The following PLEKHO2 variants were observed in gnomAD, a reference collection of about 807,000 sequenced individuals.
The protein encoded by PLEKHO2 is pleckstrin homology domain-containing family O member 2.
PLEKHO2 carries 20 observed loss-of-function variants against 32.7 expected under a neutral mutation model. That is an observed-to-expected ratio of 0.61 (90% confidence interval 0.43 to 0.89). PLEKHO2 has a LOEUF of 0.89. PLEKHO2 is among the 40% of genes least tolerant of loss of function. The probability of loss-of-function intolerance (pLI) is 0.00; values close to 1 mark genes in which losing one functional copy is unlikely to be tolerated. For synonymous variants in PLEKHO2, 247 were observed against 246.3 expected (o/e 1.00, Z -0.03); for missense variants, 568 against 621.2 (o/e 0.91, Z 0.91).
intron 2 of PLEKHO2, 57 bp downstream of exon 2, chr15:64,848,799 C>T: frequency 6.2e-7 from 1 of 1,605,288 alleles, no homozygotes; most frequent in South Asian, 1.1e-5. Context: ...AAAGTGAGGG[C>T]ATTCAAGTTA....
At chr15:64,862,284 A>C (rs777151169) in intron 5 of PLEKHO2, among the ~76,000 whole-genome samples, 55 of 151,998 alleles carry the variant, frequency 3.6e-4, no homozygotes, top group Admixed American at 9.8e-4. Context: ...GGCAGGGGCC[A>C]GGAAGGAGGT....
intron 3 of PLEKHO2, among the ~76,000 whole-genome samples, chr15:64,856,940 G>A (rs1275138927): frequency 2.1e-5 from 3 of 144,194 alleles, no homozygotes; most frequent in Admixed American, 7.1e-5. Context: ...TCCTGAGGCC[G>A]CCTTTTTTCC....
At chr15:64,855,106 T>G (rs575622990) in intron 3 of PLEKHO2, 69 bp downstream of exon 3, 1 of 1,278,662 alleles carries the variant, frequency 7.8e-7, no homozygotes, top group Admixed American at 2.0e-5. Flanking sequence ...CTAAGCAGGT[T>G]TAAGGCAGGC....
Position 64,866,150 on chromosome 15 carries a change from G to A in PLEKHO2, c.*262G>A, listed in dbSNP as rs930457233. On this transcript the variant is annotated 3_prime_UTR_variant, in exon 6 of 6. Transcript: ENST00000323544. Reference sequence around the variant, plus strand: ...TGGGGCTGGGGCTGGGAGCACACACGCTGGGACCTATGTGTTTGTGTGGTC... The same window carrying A: ...TGGGGCTGGGGCTGGGAGCACACACACTGGGACCTATGTGTTTGTGTGGTC... The A allele has an allele frequency of 3.5e-5, 20 of 566,270 alleles. No homozygotes were observed. The highest frequency in any genetic ancestry group is 2.5e-4 in the African/African-American group (13 of 52,406). The allele number at this position is 566,270 out of a possible 1,614,324, so 35.1% of individuals were successfully genotyped here.
chr15:64,846,189 T>C lies in PLEKHO2; in HGVS notation c.13-2404T>C, dbSNP rs78177391. 3.3e-3 allele frequency among the ~76,000 whole-genome samples: 501 copies of C among 152,244 alleles called. 2 individuals carry two copies. Among genetic ancestry groups the C allele is most frequent in the African/African-American group, 0.012 (482 of 41,564 alleles). The stretch of plus-strand genomic sequence containing the variant: ...CAGTGGTGATGTGGGGAATGGGAGT[T>C]GAGTGCATGATGGAATGGGAGAGCC... On this transcript the variant is annotated intron_variant, in intron 1 of 5. Transcript: ENST00000323544.
chr15:64,848,353 G>A (rs1320920700), intron 1 of PLEKHO2, among the ~76,000 whole-genome samples: 1 of 152,226 alleles, frequency 6.6e-6, no homozygotes, highest in African/African-American at 2.4e-5. Context: ...AGAGTGAAAT[G>A]ACACTATGTG....
In PLEKHO2 at chr15:64,865,646, C is replaced by T. The variant is rs772593888; in HGVS notation, c.1231C>T (p.Arg411Trp). Residue 411 changes from arginine (R) to tryptophan (W), a missense_variant, in exon 6 of 6, where the codon CGG becomes TGG. Physicochemically the swap from Arg to Trp is moderately radical, Grantham distance 101. Coordinates refer to ENST00000323544, the MANE Select transcript of PLEKHO2 (RefSeq NM_025201.5). The part of the protein sequence containing the change: ...HPLQPRERLY[R>W]AQLEVKVASE... ...CTTGCAGCCCAGGGAACGGCTATAT[C>T]GGGCCCAGCTGGAGGTGAAGGTGGC... 2.3e-5 allele frequency: 37 copies of T among 1,614,082 alleles called. No individual in the cohort carries two copies. The highest frequency in any genetic ancestry group is 2.7e-5 in the African/African-American group (2 of 74,948).
In PLEKHO2 at chr15:64,865,321, C is replaced by A; in HGVS notation, c.906C>A (p.Ala302=). 6.2e-7 allele frequency: 1 copy of A among 1,613,846 alleles called. No individual in the cohort carries two copies. The highest frequency in any genetic ancestry group is 8.5e-7 in the Non-Finnish European group (1 of 1,179,832). Residue 302 remains alanine (A), a synonymous_variant, in exon 6 of 6, where the codon GCC becomes GCA. Coordinates refer to ENST00000323544, the MANE Select transcript of PLEKHO2 (RefSeq NM_025201.5). The part of the protein sequence containing the change: ...QAPCSETSEA[A]PREGGKPPTP... ...CCTGTTCTGAGACTTCTGAGGCTGC[C>A]CCCAGGGAGGGTGGGAAGCCCCCTA... is the stretch of plus-strand genomic sequence containing the variant.
In PLEKHO2 at chr15:64,859,916, C is replaced by T. The variant is rs534659227; in HGVS notation, c.302C>T (p.Ala101Val). ...GNKVSDIKFQ[A>V]PTGEEKESWI... is the part of the protein sequence containing the mutation. ...CAGGTCAGCGACATCAAATTCCAGG[C>T]ACCCACCGGGGAGGAGAAGGAATCC... The change falls in exon 4 of 6, where the codon GCA (alanine) becomes GTA (valine). Residue 101 changes from alanine (A) to valine (V), a missense_variant. Physicochemically the swap from Ala to Val is moderately conservative, Grantham distance 64. Transcript: ENST00000323544. 2 of 1,614,200 alleles carry T rather than the reference C, an allele frequency of 1.2e-6. No individual in the cohort carries two copies. The highest frequency in any genetic ancestry group is 1.3e-5 in the African/African-American group (1 of 75,058).
Position 64,865,454 on chromosome 15 carries a change from G to A in PLEKHO2, c.1039G>A (p.Asp347Asn). 6.2e-7 allele frequency: 1 copy of A among 1,614,064 alleles called. No homozygotes were observed. Among genetic ancestry groups the A allele is most frequent in the Non-Finnish European group, 8.5e-7 (1 of 1,180,010 alleles). Residue 347 changes from aspartate to asparagine, a missense_variant, in exon 6 of 6, where the codon GAT (aspartate) becomes AAT (asparagine). Asp to Asn is a conservative substitution (Grantham distance 23, BLOSUM62 1). Coordinates refer to ENST00000323544, the MANE Select transcript of PLEKHO2 (RefSeq NM_025201.5). ...GTVQVSVNGMDDSPEPAKPSQ... is the reference protein window; with the variant it reads ...GTVQVSVNGMNDSPEPAKPSQ... ...AGTGCAGGTCTCAGTGAATGGCATG[G>A]ATGACAGTCCTGAGCCTGCCAAGCC...
intron 5 of PLEKHO2, among the ~76,000 whole-genome samples, chr15:64,862,481 G>A (rs2084648441): frequency 6.6e-6 from 1 of 152,122 alleles, no homozygotes; most frequent in Non-Finnish European, 1.5e-5. Flanking sequence ...AATTTGGAGA[G>A]GGTATGGGCA....
At position 64,865,674 on chromosome 15, in the gene PLEKHO2, C is replaced by G. The variant is rs543499350; in HGVS notation, c.1259C>G (p.Ser420Trp). The change falls in exon 6 of 6, where the codon TCG (serine) becomes TGG (tryptophan). Residue 420 changes from serine (S) to tryptophan (W), a missense_variant. Ser to Trp is a radical substitution (Grantham distance 177). Coordinates refer to ENST00000323544, the MANE Select transcript of PLEKHO2 (RefSeq NM_025201.5). ...GCCCAGCTGGAGGTGAAGGTGGCCT[C>G]GGAACAGACGGAGAAACTGTTGAAC... ...YRAQLEVKVA[S>W]EQTEKLLNKV... 4 of 1,614,196 alleles carry G rather than the reference C, an allele frequency of 2.5e-6. No homozygotes were observed. In the South Asian group the frequency reaches 4.4e-5, roughly 18 times the overall value.
intron 3 of PLEKHO2, among the ~76,000 whole-genome samples, chr15:64,857,579 T>C (rs1481599533): frequency 1.3e-5 from 2 of 152,170 alleles, no homozygotes; most frequent in African/African-American, 4.8e-5. Context: ...ATTGTTTCTA[T>C]TGTGGTCATC....
At chr15:64,864,393 A>G (rs530384729) in intron 5 of PLEKHO2, among the ~76,000 whole-genome samples, 80 of 152,302 alleles carry the variant, frequency 5.3e-4, no homozygotes, top group Middle Eastern at 3.4e-3. Context: ...AAGGGCAAGC[A>G]GAAGTCAGTG....
rs1029585947 is a variant in PLEKHO2 at position 64,842,121 on chromosome 15, C to T, written c.12+93C>T. The T allele has an allele frequency of 2.7e-6, 3 of 1,106,836 alleles. No homozygotes were observed. In the African/African-American group the frequency reaches 4.8e-5, roughly 18 times the overall value. 68.6% of individuals were successfully genotyped at this position (1,106,836 alleles called of 1,614,324 possible). On this transcript the variant is annotated intron_variant, in intron 1 of 5. Coordinates refer to ENST00000323544, the MANE Select transcript of PLEKHO2 (RefSeq NM_025201.5). ...GGCTCAGGCCCTCGTTCCTGCCCGC[C>T]CCACTCCCGCCAGTCTCACCTCAGG...
chr15:64,856,799 C>CCAG (rs1401898692), intron 3 of PLEKHO2, among the ~76,000 whole-genome samples: 3 of 152,166 alleles, frequency 2.0e-5, no homozygotes, highest in Admixed American at 6.5e-5. Flanking sequence ...CTCCAGAGGT[C>CCAG]AGTTGGTGGA....
rs1178292770 is a variant in PLEKHO2, at chr15:64,841,962, G to T, written c.-55G>T. 6.4e-6 allele frequency: 8 copies of T among 1,244,688 alleles called. No homozygotes were observed. The highest frequency in any genetic ancestry group is 6.3e-5 in the East Asian group (2 of 31,830). The allele number at this position is 1,244,688 out of a possible 1,614,324, so 77.1% of individuals were successfully genotyped here. ...GGCCGGGCGTAGACGCGGTGGCAGA[G>T]CCCGCGCGGCGCTGGAAGCGAGTGG... On this transcript the variant is annotated 5_prime_UTR_variant, in exon 1 of 6. Transcript: ENST00000323544.
chr15:64,865,675 G>A lies in PLEKHO2; in HGVS notation c.1260G>A (p.Ser420=), dbSNP rs141176661. 12,897 of 1,614,204 alleles carry A rather than the reference G, an allele frequency of 8.0e-3. 106 individuals carry two copies. The highest frequency in any genetic ancestry group is 7.9e-3 in the Non-Finnish European group (9,327 of 1,180,026). ...YRAQLEVKVA[S]EQTEKLLNKV... is the part of the protein sequence containing the mutation. ...CCCAGCTGGAGGTGAAGGTGGCCTC[G>A]GAACAGACGGAGAAACTGTTGAACA... The change falls in exon 6 of 6, where the codon TCG becomes TCA. Residue 420 remains serine, a synonymous_variant. Transcript: ENST00000323544.
At chr15:64,842,347 G>T (rs1036818929) in intron 1 of PLEKHO2, among the ~76,000 whole-genome samples, 2 of 151,696 alleles carry the variant, frequency 1.3e-5, no homozygotes, top group Non-Finnish European at 2.9e-5. Flanking sequence ...GACTGGGCTC[G>T]AACCCCGATT....
Sources: allele counts gnomAD v4.1 joint callset (sites outside exome capture counted in the v4.1 genomes callset), GRCh38; gene constraint gnomAD v4.1.1; transcripts MANE v1.5; gene names NCBI Gene and HGNC (gene_info 2026-07-23, HGNC 2026-07-21).